Variants in FASTKD2 observed in about 807,000 individuals in gnomAD.
FASTKD2 encodes FAST kinase domain-containing protein 2, mitochondrial.
In FASTKD2, 51 loss-of-function variants were observed where a neutral mutation model predicts 63.6. The observed-to-expected ratio is 0.80, with a 90% CI of 0.64 to 1.01. FASTKD2 has a LOEUF of 1.01. FASTKD2 is among the 50% of genes least tolerant of loss of function. FASTKD2 has a pLI of 0.00. For missense variants in FASTKD2, 786 were observed against 831.1 expected (o/e 0.95, Z 0.67); for synonymous variants, 284 against 293.4 (o/e 0.97, Z 0.33).
chr2:206,790,642 A>C lies in FASTKD2; in HGVS notation c.1969A>C (p.Met657Leu). The C allele has an allele frequency of 6.2e-7, 1 of 1,613,368 alleles. No individual in the cohort carries two copies. The highest frequency in any genetic ancestry group is 8.5e-7 in the Non-Finnish European group (1 of 1,179,336). Residue 657 changes from methionine to leucine, a missense_variant, in exon 11 of 12, where the codon ATG (methionine) becomes CTG (leucine). By Grantham distance (15) the Met-to-Leu change is conservative (BLOSUM62 2). Coordinates refer to ENST00000402774, the MANE Select transcript of FASTKD2 (RefSeq NM_001136193.2). ...AAGCCACCCCAGAGGATTCCTTGCT[A>C]TGAAAATGCGGCATTTGAATGCAAT... Reference protein sequence around the residue: ...GSSHPRGFLAMKMRHLNAMGF... With the variant: ...GSSHPRGFLALKMRHLNAMGF...
chr2:206,780,719 C>T (rs1031856843), intron 7 of FASTKD2, among the ~76,000 whole-genome samples: 19 of 151,962 alleles, frequency 1.3e-4, no homozygotes, highest in African/African-American at 4.4e-4. Context: ...TTTTTTTCTT[C>T]TCCCGAGACA....
intron 7 of FASTKD2, among the ~76,000 whole-genome samples, chr2:206,778,704 TACCAG>T (rs1689887168): frequency 6.6e-6 from 1 of 151,644 alleles, no homozygotes; most frequent in Non-Finnish European, 1.5e-5. Context: ...CACGGACTGG[TACCAG>T]TCCGTGGCCT....
intron 7 of FASTKD2, among the ~76,000 whole-genome samples, chr2:206,784,659 G>C (rs959301463): frequency 6.6e-6 from 1 of 152,172 alleles, no homozygotes; most frequent in African/African-American, 2.4e-5. Flanking sequence ...CTGAGTCTCT[G>C]TGGGTTGCAT....
chr2:206,773,418 G>T (rs967261618), intron 6 of FASTKD2, among the ~76,000 whole-genome samples: 2 of 150,892 alleles, frequency 1.3e-5, no homozygotes, highest in African/African-American at 4.9e-5. Context: ...AAATAATAAA[G>T]ATGGGTGATG....
At position 206,772,284 on chromosome 2, in the gene FASTKD2, T is replaced by C. The variant is rs1689706068; in HGVS notation, c.1218T>C (p.Tyr406=). 2 of 1,613,878 alleles carry C rather than the reference T, an allele frequency of 1.2e-6. No individual in the cohort carries two copies. Among genetic ancestry groups the C allele is most frequent in the Non-Finnish European group, 8.5e-7 (1 of 1,179,860 alleles). Residue 406 remains tyrosine (Y), a synonymous_variant, in exon 6 of 12, where the codon TAT becomes TAC. Transcript: ENST00000402774. The part of the protein sequence containing the change: ...NLDLFKGLAD[Y]VAATFDIWKF... ...ATCTCTTCAAGGGACTTGCAGATTA[T>C]GTGGCTGCAACTTTCGACATCTGGA...
Position 206,770,300 on chromosome 2 carries a change from G to A in FASTKD2, c.881+106G>A, listed in dbSNP as rs1416891628. Reference sequence around the variant, plus strand: ...AAACTCCTTTCTTGAGGGGAGGAGGGGTTGGGGAGGCTTTGTTGGTAGTTA... The same window carrying A: ...AAACTCCTTTCTTGAGGGGAGGAGGAGTTGGGGAGGCTTTGTTGGTAGTTA... On this transcript the variant is annotated intron_variant, in intron 3 of 11. Coordinates refer to ENST00000402774, the MANE Select transcript of FASTKD2 (RefSeq NM_001136193.2). 6.5e-6 allele frequency: 5 copies of A among 773,550 alleles called. No individual in the cohort carries two copies. The African/African-American group carries it at 8.6e-5, about 13-fold the overall frequency. 47.9% of individuals were successfully genotyped at this position (773,550 alleles called of 1,614,324 possible). A position where few individuals can be genotyped will look rare whatever the true frequency, so the allele number is the denominator to read the frequency against.
At chr2:206,770,334 C>G (rs1315182361) in intron 3 of FASTKD2, 140 bp downstream of exon 3, 1 of 701,074 alleles carries the variant, frequency 1.4e-6, no homozygotes, top group East Asian at 2.7e-5. Context: ...TACAGTCTTT[C>G]ATACCTTATT....
intron 7 of FASTKD2, among the ~76,000 whole-genome samples, chr2:206,775,310 G>T (rs1438490467): frequency 6.8e-6 from 1 of 146,660 alleles, no homozygotes; most frequent in Non-Finnish European, 1.5e-5. Flanking sequence ...TTTTACTAAG[G>T]GTTCTACTTT....
intron 1 of FASTKD2, among the ~76,000 whole-genome samples, chr2:206,766,427 C>A (rs910620528): frequency 1.3e-5 from 2 of 152,076 alleles, no homozygotes; most frequent in African/African-American, 4.8e-5. Flanking sequence ...CTCATTAATA[C>A]AATGACTACT....
Position 206,771,191 on chromosome 2 carries a change from T to C in FASTKD2, c.891T>C (p.Val297=). The change falls in exon 4 of 12, where the codon GTT becomes GTC. Residue 297 remains valine, a synonymous_variant. Transcript: ENST00000402774. The part of the protein sequence containing the change: ...HVLRTGFRIL[V]DQQVWKIEDV... Reference sequence around the variant, plus strand: ...TTGTGTTTGATAACAGAATACTAGTTGATCAGCAAGTTTGGAAAATAGAAG... The same window carrying C: ...TTGTGTTTGATAACAGAATACTAGTCGATCAGCAAGTTTGGAAAATAGAAG... 6.4e-7 allele frequency: 1 copy of C among 1,573,522 alleles called. No homozygotes were observed. The highest frequency in any genetic ancestry group is 8.7e-7 in the Non-Finnish European group (1 of 1,143,418).
intron 11 of FASTKD2, 63 bp from the exon 12 acceptor site, chr2:206,791,620 C>G (rs945609613): frequency 1.3e-6 from 2 of 1,532,812 alleles, no homozygotes; most frequent in African/African-American, 2.7e-5. Context: ...GTTTGGATCT[C>G]TAAACTAGCT....
chr2:206,774,478 T>C, intron 7 of FASTKD2, 81 bp downstream of exon 7: 1 of 914,236 alleles, frequency 1.1e-6, no homozygotes, highest in Non-Finnish European at 1.8e-6. Flanking sequence ...TAATGAATTA[T>C]TACAAGTGAA....
chr2:206,795,349 T>A lies in FASTKD2; in HGVS notation c.*3547T>A, dbSNP rs1482057132. 6.6e-6 allele frequency among the ~76,000 whole-genome samples: 1 copy of A among 152,206 alleles called. No individual in the cohort carries two copies. The highest frequency in any genetic ancestry group is 1.5e-5 in the Non-Finnish European group (1 of 68,030). On this transcript the variant is annotated 3_prime_UTR_variant, in exon 12 of 12. Coordinates refer to ENST00000402774, the MANE Select transcript of FASTKD2 (RefSeq NM_001136193.2). ...CCTGGGTTCAAGCCATTCTCCTGCC[T>A]CAGCCTCCCGAGTAGCTGGGACTAC...
chr2:206,792,112 G>A lies in FASTKD2; in HGVS notation c.*310G>A. ...AAAACTGGTTTCTTAGTTGTGAGGT[G>A]TCACAGGCAGGTTGATGTGGGTAGT... On this transcript the variant is annotated 3_prime_UTR_variant, in exon 12 of 12. Coordinates refer to ENST00000402774, the MANE Select transcript of FASTKD2 (RefSeq NM_001136193.2). 1 of 368,832 alleles carries A rather than the reference G, an allele frequency of 2.7e-6. No individual in the cohort carries two copies. Among genetic ancestry groups the A allele is most frequent in the South Asian group, 2.4e-5 (1 of 41,632 alleles). The allele number at this position is 368,832 out of a possible 1,614,324, so 22.8% of individuals were successfully genotyped here. A position where few individuals can be genotyped will look rare whatever the true frequency, so the allele number is the denominator to read the frequency against.
At position 206,794,724 on chromosome 2, in the gene FASTKD2, AT is replaced by A. The variant is rs968431676; in HGVS notation, c.*2930del. On this transcript the variant is annotated 3_prime_UTR_variant, in exon 12 of 12. Coordinates refer to ENST00000402774, the MANE Select transcript of FASTKD2 (RefSeq NM_001136193.2). Reference sequence around the variant, plus strand: ...CTTGTCATTGACAAAATGTGATGGTATTTTTTTTGTGATAATACACATGGAC... The same window carrying A: ...CTTGTCATTGACAAAATGTGATGGTATTTTTTTGTGATAATACACATGGAC... Among the ~76,000 whole-genome samples the A allele has an allele frequency of 1.3e-5, 2 of 152,076 alleles. No homozygotes were observed. The highest frequency in any genetic ancestry group is 1.3e-4 in the Admixed American group (2 of 15,264).
Position 206,767,558 on chromosome 2 carries a change from A to G in FASTKD2, c.777+88A>G, listed in dbSNP as rs569521150. 20 of 1,014,694 alleles carry G rather than the reference A, an allele frequency of 2.0e-5. No homozygotes were observed. The South Asian group carries it at 2.4e-4, about 12-fold the overall frequency. 62.9% of individuals were successfully genotyped at this position (1,014,694 alleles called of 1,614,324 possible). A position where few individuals can be genotyped will look rare whatever the true frequency, so the allele number is the denominator to read the frequency against. ...GGGATATAGATATGTAGCCTTCTTA[A>G]AAGAGACTATCAAATGGAATGGTAG... On this transcript the variant is annotated intron_variant, in intron 2 of 11. Transcript: ENST00000402774.
At chr2:206,773,010 T>G (rs1415232738) in intron 6 of FASTKD2, among the ~76,000 whole-genome samples, 1 of 152,146 alleles carries the variant, frequency 6.6e-6, no homozygotes, top group African/African-American at 2.4e-5. Flanking sequence ...TGCTCTTCTT[T>G]TTCGTTTTAA....
intron 11 of FASTKD2, 149 bp downstream of exon 11, chr2:206,790,835 A>G (rs1574676980): frequency 1.5e-6 from 1 of 669,238 alleles, no homozygotes; most frequent in East Asian, 2.7e-5. Flanking sequence ...TTTCTTTGAA[A>G]AAGAACATTG....
chr2:206,770,763 G>A (rs982271557), intron 3 of FASTKD2, among the ~76,000 whole-genome samples: 3 of 151,968 alleles, frequency 2.0e-5, no homozygotes, highest in South Asian at 2.1e-4. Flanking sequence ...CTGATGCGGG[G>A]TAGGAGAGAA....
Sources: gnomAD v4.1 joint callset for allele counts (sites outside exome capture counted in the v4.1 genomes callset) on GRCh38, gnomAD v4.1.1 for gene constraint, MANE v1.5 for transcripts, NCBI Gene and HGNC (gene_info 2026-07-23, HGNC 2026-07-21) for gene names.